Variants in GIGYF2 observed in about 807,000 individuals in gnomAD.
GIGYF2 encodes the protein GRB10 interacting GYF protein 2.
Under a neutral mutation model 208.1 loss-of-function variants are expected in GIGYF2, and 25 were observed. The ratio of observed to expected loss-of-function variants is 0.12; its 90% CI spans 0.09 to 0.17. The LOEUF is 0.17. GIGYF2 is among the 10% of genes least tolerant of loss of function. The pLI is 1.00. For missense variants in GIGYF2, 1,302 were observed against 1,579.4 expected (o/e 0.82, Z 2.98); for synonymous variants, 534 against 543.8 (o/e 0.98, Z 0.25).
chr2:232,847,734 T>C (rs1702069603), intron 27 of GIGYF2, among the ~76,000 whole-genome samples, 163 bp downstream of exon 27: 1 of 152,244 alleles, frequency 6.6e-6, no homozygotes, highest in African/African-American at 2.4e-5. Flanking sequence ...CTTGTCCAGA[T>C]ACCTTTGTGT....
intron 1 of GIGYF2, among the ~76,000 whole-genome samples, chr2:232,702,741 TC>T (rs1695913287): frequency 6.6e-6 from 1 of 152,242 alleles, no homozygotes; most frequent in Non-Finnish European, 1.5e-5. Flanking sequence ...TTCTGAGGGC[TC>T]AGTGATTATT....
At position 232,850,266 on chromosome 2, in the gene GIGYF2, C is replaced by T; in HGVS notation, c.3689C>T (p.Ser1230Phe). 1 of 1,613,192 alleles carries T rather than the reference C, an allele frequency of 6.2e-7. No individual in the cohort carries two copies. The highest frequency in any genetic ancestry group is 1.1e-5 in the South Asian group (1 of 91,058). The change falls in exon 28 of 29, where the codon TCT becomes TTT. Residue 1230 changes from serine (S) to phenylalanine (F), a missense_variant. By Grantham distance (155) the Ser-to-Phe change is radical. This residue lies in a region of GIGYF2 where 701 missense variants were observed against 793.0 expected (regional missense o/e 0.88). Coordinates refer to ENST00000373563, the MANE Select transcript of GIGYF2 (RefSeq NM_001103146.3). ...GTCATGCTGCTTATTTCACAGGACT[C>T]TGTGTGGGGGATGAACCACAGTACA... is the stretch of plus-strand genomic sequence containing the variant. Reference protein sequence around the residue: ...QPPQQPQQQDSVWGMNHSTLH... With the variant: ...QPPQQPQQQDFVWGMNHSTLH...
chr2:232,781,507 C>T (rs1406011197), intron 8 of GIGYF2, among the ~76,000 whole-genome samples: 1 of 152,034 alleles, frequency 6.6e-6, no homozygotes, highest in Non-Finnish European at 1.5e-5. Flanking sequence ...TGACTGAAGT[C>T]ACCTTCTAAA....
At chr2:232,782,366 A>T (rs1415553258) in intron 8 of GIGYF2, among the ~76,000 whole-genome samples, 1 of 152,152 alleles carries the variant, frequency 6.6e-6, no homozygotes, top group Non-Finnish European at 1.5e-5. Flanking sequence ...CCTGGCCAGT[A>T]GTACTATTTC....
Position 232,791,123 on chromosome 2 carries a change from A to T in GIGYF2, c.1046A>T (p.Asp349Val). 6.2e-7 allele frequency: 1 copy of T among 1,614,122 alleles called. No homozygotes were observed. The highest frequency in any genetic ancestry group is 2.2e-5 in the East Asian group (1 of 44,860). ...CATAATGAAGAGGCCAAAGAACCCG[A>T]TAAGACAAATAAGAAAGAAGGAGAG... ...GSHNEEAKEP[D>V]KTNKKEGEKT... Residue 349 changes from aspartate to valine, a missense_variant, in exon 11 of 29, where the codon GAT (aspartate) becomes GTT (valine). Physicochemically the swap from Asp to Val is radical, Grantham distance 152 (BLOSUM62 -3). This residue lies in a region of GIGYF2 where 235 missense variants were observed against 218.8 expected (regional missense o/e 1.07). Coordinates refer to ENST00000373563, the MANE Select transcript of GIGYF2 (RefSeq NM_001103146.3).
At chr2:232,768,797 C>T in intron 8 of GIGYF2, 1 of 1,605,450 alleles carries the variant, frequency 6.2e-7, no homozygotes, top group Non-Finnish European at 8.5e-7. Context: ...GCCGGGCAAT[C>T]TTCGCCACAA....
At chr2:232,847,969 T>C (rs1702077696) in intron 27 of GIGYF2, among the ~76,000 whole-genome samples, 1 of 152,116 alleles carries the variant, frequency 6.6e-6, no homozygotes, top group Non-Finnish European at 1.5e-5. Flanking sequence ...CATGTTGTTG[T>C]TGGGGATGTA....
intron 2 of GIGYF2, among the ~76,000 whole-genome samples, chr2:232,703,777 A>G (rs1695960768): frequency 6.6e-6 from 1 of 152,250 alleles, no homozygotes; most frequent in South Asian, 2.1e-4. Flanking sequence ...ACCAAAGAGC[A>G]GTTGACTTCA....
intron 28 of GIGYF2, among the ~76,000 whole-genome samples, chr2:232,851,413 A>ATTTTTTTTTTTTTTT (rs5839451): frequency 6.7e-6 from 1 of 149,086 alleles, no homozygotes; most frequent in Non-Finnish European, 1.5e-5. Context: ...TGAAACTAAC[A>ATTTTTTTTTTTTTTT]TTTTTTTTTT....
At chr2:232,830,580 C>G (rs1392714424) in intron 21 of GIGYF2, among the ~76,000 whole-genome samples, 2 of 152,162 alleles carry the variant, frequency 1.3e-5, no homozygotes, top group East Asian at 3.9e-4. Context: ...ACATTTGTTA[C>G]AACTAATAAA....
intron 14 of GIGYF2, among the ~76,000 whole-genome samples, chr2:232,805,626 C>A (rs1385830860): frequency 2.0e-5 from 3 of 152,138 alleles, no homozygotes; most frequent in Non-Finnish European, 4.4e-5. Flanking sequence ...TGGTTGCTGG[C>A]TTCTTCATCT....
At chr2:232,794,166 ACT>A (rs1165866604) in intron 12 of GIGYF2, among the ~76,000 whole-genome samples, 3 of 152,198 alleles carry the variant, frequency 2.0e-5, no homozygotes, top group African/African-American at 7.2e-5. Flanking sequence ...GAACCTGCAC[ACT>A]GAGAGGTTAG....
chr2:232,790,981 A>G (rs752356255), intron 10 of GIGYF2, 27 bp from the exon 11 acceptor site: 1 of 1,613,514 alleles, frequency 6.2e-7, no homozygotes, highest in Non-Finnish European at 8.5e-7. Context: ...TCTGCTGTTG[A>G]TCTTTGGTTT....
At chr2:232,724,614 G>A (rs1273746900) in intron 2 of GIGYF2, 1 of 152,048 alleles carries the variant, frequency 6.6e-6, no homozygotes, top group African/African-American at 2.4e-5. Flanking sequence ...GTGCAGTGGT[G>A]CTATCGTAAC....
chr2:232,700,876 C>T (rs1695810397), intron 1 of GIGYF2, among the ~76,000 whole-genome samples: 1 of 151,880 alleles, frequency 6.6e-6, no homozygotes, highest in African/African-American at 2.4e-5. Context: ...TAAAAAAGTC[C>T]TAGAGTTTCC....
chr2:232,748,065 C>T (rs150990463), intron 4 of GIGYF2, among the ~76,000 whole-genome samples: 410 of 152,194 alleles, frequency 2.7e-3, no homozygotes, highest in African/African-American at 9.6e-3. Context: ...TTTTTCCTTT[C>T]TCTTTATTGT....
At chr2:232,824,226 A>G (rs982147111) in intron 21 of GIGYF2, among the ~76,000 whole-genome samples, 2 of 152,262 alleles carry the variant, frequency 1.3e-5, no homozygotes, top group African/African-American at 4.8e-5. Flanking sequence ...AGGAAGAGTC[A>G]TGTCTCACAC....
chr2:232,735,829 TC>T (rs1200141760), intron 3 of GIGYF2: 5 of 985,216 alleles, frequency 5.1e-6, no homozygotes, highest in African/African-American at 1.7e-5. Context: ...TAGTGTGGCT[TC>T]CCCCCCTCCC....
At chr2:232,851,484 A>G (rs954942263) in intron 28 of GIGYF2, among the ~76,000 whole-genome samples, 4 of 150,858 alleles carry the variant, frequency 2.7e-5, no homozygotes, top group Admixed American at 2.6e-4. Context: ...CAGTGGCGTG[A>G]TCTCAGCTCA....
Sources: allele counts gnomAD v4.1 joint callset (sites outside exome capture counted in the v4.1 genomes callset), GRCh38; gene constraint gnomAD v4.1.1; regional missense constraint gnomAD v4.1.1; transcripts MANE v1.5; gene names NCBI Gene and HGNC (gene_info 2026-07-23, HGNC 2026-07-21).